RELN: variants seen among roughly 807,000 people sequenced by gnomAD.
RELN encodes reelin.
In RELN, 108 loss-of-function variants were observed where a neutral mutation model predicts 427.6. The ratio of observed to expected loss-of-function variants is 0.25; its 90% CI spans 0.22 to 0.30. The LOEUF is 0.30. RELN is among the 10% of genes least tolerant of loss of function. The pLI, the probability that RELN is intolerant of heterozygous loss-of-function variation, is 1.00. For synonymous variants in RELN, 1,524 were observed against 1,513.4 expected, an observed-to-expected ratio of 1.01 and a Z score of -0.16; for missense variants, 3,715 against 4,302.8, an observed-to-expected ratio of 0.86 and a Z score of 3.82.
chr7:103,741,027 T>G (rs1201932105), intron 6 of RELN, among the ~76,000 whole-genome samples: 1 of 152,182 alleles, frequency 6.6e-6, no homozygotes, highest in Admixed American at 6.5e-5. Context: ...CCACAAGGAT[T>G]CCCTTTTCCA....
intron 4 of RELN, among the ~76,000 whole-genome samples, chr7:103,772,311 C>G (rs1277686118): frequency 8.2e-6 from 1 of 122,596 alleles, no homozygotes; most frequent in Non-Finnish European, 1.7e-5. Flanking sequence ...AAATAGTTGT[C>G]AAATGAATGA....
chr7:103,883,940 T>G (rs1794666398), intron 2 of RELN, among the ~76,000 whole-genome samples: 2 of 152,130 alleles, frequency 1.3e-5, no homozygotes, highest in Admixed American at 1.3e-4. Context: ...TACTTTAAAT[T>G]TCAGATGGAA....
In RELN at chr7:103,759,536, T is replaced by C. The variant is rs117307997; in HGVS notation, c.545-6322A>G. Among the ~76,000 whole-genome samples the C allele has an allele frequency of 4.8e-3, 728 of 152,276 alleles. 3 individuals are homozygous for C. Among genetic ancestry groups the C allele is most frequent in the Non-Finnish European group, 8.8e-3 (596 of 67,958 alleles). Reference sequence around the variant, plus strand: ...TAGCTCGTATATGTTAACATGTCTCTGTGTTGGTGATAGTTCTAGTCAGAA... The same window carrying C: ...TAGCTCGTATATGTTAACATGTCTCCGTGTTGGTGATAGTTCTAGTCAGAA... On this transcript the variant is annotated intron_variant, in intron 4 of 64. Transcript: ENST00000428762.
At chr7:103,655,030 T>G (rs780443104) in intron 12 of RELN, among the ~76,000 whole-genome samples, 3 of 152,090 alleles carry the variant, frequency 2.0e-5, no homozygotes, top group Admixed American at 2.0e-4. Flanking sequence ...CAGGCTGGTC[T>G]TGAACTCCTG....
At chr7:103,730,346 G>A (rs1790323039) in intron 6 of RELN, among the ~76,000 whole-genome samples, 1 of 151,630 alleles carries the variant, frequency 6.6e-6, no homozygotes, top group Non-Finnish European at 1.5e-5. Context: ...CCATAGTTTC[G>A]CTTAAACAGA....
chr7:103,825,364 G>C (rs1364135270), intron 3 of RELN, among the ~76,000 whole-genome samples: 1 of 152,082 alleles, frequency 6.6e-6, no homozygotes, highest in African/African-American at 2.4e-5. Flanking sequence ...ATGATAACCA[G>C]AGGCAATTCT....
intron 53 of RELN, 152 bp from the exon 54 acceptor site, chr7:103,498,404 A>G: frequency 2.8e-6 from 2 of 710,116 alleles, no homozygotes; most frequent in Non-Finnish European, 4.8e-6. Context: ...TATTTCCACA[A>G]TCTTTTTTCC....
intron 24 of RELN, among the ~76,000 whole-genome samples, chr7:103,600,056 C>A (rs539855662): frequency 1.3e-5 from 2 of 149,160 alleles, no homozygotes; most frequent in African/African-American, 4.9e-5. Flanking sequence ...CCCACTATGC[C>A]CAGCTAATTT....
chr7:103,840,122 T>A (rs1435263105), intron 2 of RELN, among the ~76,000 whole-genome samples: 1 of 152,246 alleles, frequency 6.6e-6, no homozygotes, highest in Non-Finnish European at 1.5e-5. Flanking sequence ...TGTAGAACCA[T>A]GAGCCAATTA....
intron 49 of RELN, 122 bp downstream of exon 49, chr7:103,519,201 A>C: frequency 1.3e-6 from 1 of 751,818 alleles, no homozygotes; most frequent in South Asian, 1.5e-5. Flanking sequence ...TCTTCATTTC[A>C]GTCTCAGAGG....
intron 63 of RELN, 138 bp downstream of exon 63, chr7:103,482,735 C>CA: frequency 6.5e-7 from 1 of 1,535,678 alleles, no homozygotes; most frequent in Non-Finnish European, 8.7e-7. Flanking sequence ...CTTGCAGTTG[C>CA]AAAAGAGTGT....
Position 103,665,327 on chromosome 7 carries a change from T to C in RELN, c.1290-3800A>G, listed in dbSNP as rs545973914. On this transcript the variant is annotated intron_variant, in intron 11 of 64. Coordinates refer to ENST00000428762, the MANE Select transcript of RELN (RefSeq NM_005045.4). ...CTCCGTGTCCAAACCAATTTAAATA[T>C]CATACATATGGTGTGTGTGTGTGTG... Among the ~76,000 whole-genome samples the C allele has an allele frequency of 2.7e-5, 4 of 150,400 alleles. No homozygotes were observed. The East Asian group carries it at 7.8e-4, about 29-fold the overall frequency.
At chr7:103,750,913 T>C (rs775465598) in intron 5 of RELN, among the ~76,000 whole-genome samples, 1 of 152,334 alleles carries the variant, frequency 6.6e-6, no homozygotes, top group South Asian at 2.1e-4. Flanking sequence ...TAGAAGAACT[T>C]TGGGCATGTC....
At chr7:103,648,290 C>A (rs1468326504) in intron 16 of RELN, among the ~76,000 whole-genome samples, 1 of 152,024 alleles carries the variant, frequency 6.6e-6, no homozygotes, top group Non-Finnish European at 1.5e-5. Context: ...CCTCCCCCTT[C>A]ACTCTCTCTT....
intron 2 of RELN, among the ~76,000 whole-genome samples, chr7:103,882,872 G>A (rs1290987272): frequency 2.6e-5 from 4 of 152,262 alleles, no homozygotes; most frequent in African/African-American, 9.6e-5. Flanking sequence ...AGAGGAGCTG[G>A]TACCATTCCT....
intron 2 of RELN, among the ~76,000 whole-genome samples, chr7:103,888,203 T>C (rs1001410737): frequency 1.3e-5 from 2 of 151,038 alleles, no homozygotes; most frequent in Admixed American, 1.3e-4. Context: ...AACTGACATC[T>C]GGACCTGAGC....
rs150296617 is a variant in RELN, at chr7:103,806,951, C to T, written c.473+26586G>A. On this transcript the variant is annotated intron_variant, in intron 3 of 64. Transcript: ENST00000428762. Reference sequence around the variant, plus strand: ...GCACTGGAACTAGGAAGAGGAATAACATACCCCTTCAAGTCAATGGCTTTA... The same window carrying T: ...GCACTGGAACTAGGAAGAGGAATAATATACCCCTTCAAGTCAATGGCTTTA... Among the ~76,000 whole-genome samples, 385 of 152,216 alleles carry T rather than the reference C, an allele frequency of 2.5e-3. 5 individuals carry two copies. The highest frequency in any genetic ancestry group is 8.9e-3 in the African/African-American group (370 of 41,538).
At chr7:103,528,136 G>A (rs1562872956) in intron 46 of RELN, among the ~76,000 whole-genome samples, 1 of 152,190 alleles carries the variant, frequency 6.6e-6, no homozygotes, top group South Asian at 2.1e-4. Context: ...ATAAAAGGTG[G>A]AAGGAACCCA....
At chr7:103,778,190 GCT>G (rs1791794435) in intron 3 of RELN, among the ~76,000 whole-genome samples, 1 of 152,080 alleles carries the variant, frequency 6.6e-6, no homozygotes, top group African/African-American at 2.4e-5. Flanking sequence ...TGGCCTAGAG[GCT>G]CTCTAATCAG....
Sources: allele counts gnomAD v4.1 joint callset (sites outside exome capture counted in the v4.1 genomes callset), GRCh38; gene constraint gnomAD v4.1.1; transcripts MANE v1.5; gene names NCBI Gene and HGNC (gene_info 2026-07-23, HGNC 2026-07-21).